The following ARHGAP15 variants were observed in gnomAD, a reference collection of about 807,000 sequenced individuals.
The protein encoded by ARHGAP15 is Rho GTPase activating protein 15, also known as rho GTPase-activating protein 15.
ARHGAP15 carries 51 observed loss-of-function variants against 63.7 expected under a neutral mutation model. The observed-to-expected ratio is 0.80, with a 90% CI of 0.64 to 1.01. The LOEUF is 1.01. ARHGAP15 is among the 50% of genes least tolerant of loss of function. The pLI, the probability that ARHGAP15 is intolerant of heterozygous loss-of-function variation, is 0.00. For synonymous variants in ARHGAP15, 191 were observed against 193.8 expected (o/e 0.99, Z 0.12); for missense variants, 560 against 564.6 (o/e 0.99, Z 0.08).
At chr2:143,641,957 A>C (rs1680621889) in intron 12 of ARHGAP15, among the ~76,000 whole-genome samples, 1 of 152,124 alleles carries the variant, frequency 6.6e-6, no homozygotes, top group Non-Finnish European at 1.5e-5. Flanking sequence ...GTATGTGTAC[A>C]AACTTAAGGA....
intron 6 of ARHGAP15, among the ~76,000 whole-genome samples, chr2:143,360,919 C>T (rs1686022482): frequency 6.6e-6 from 1 of 152,144 alleles, no homozygotes; most frequent in Non-Finnish European, 1.5e-5. Flanking sequence ...ATTTTTGATA[C>T]ATAAATTGGA....
intron 6 of ARHGAP15, among the ~76,000 whole-genome samples, chr2:143,390,123 G>T (rs534784596): frequency 5.4e-4 from 82 of 151,786 alleles, no homozygotes; most frequent in African/African-American, 1.8e-3. Flanking sequence ...ATATAAAAGA[G>T]ATATGAGACT....
At chr2:143,635,223 T>C (rs1474753426) in intron 12 of ARHGAP15, among the ~76,000 whole-genome samples, 9 of 111,524 alleles carry the variant, frequency 8.1e-5, no homozygotes, top group African/African-American at 2.6e-4. Context: ...TTTTTTTTTT[T>C]CAAATTTTTT....
intron 11 of ARHGAP15, among the ~76,000 whole-genome samples, chr2:143,610,482 G>A (rs374700973): frequency 2.6e-5 from 4 of 152,204 alleles, no homozygotes; most frequent in African/African-American, 7.2e-5. Context: ...CTGACCAATC[G>A]ACTTTCCATT....
At chr2:143,254,839 T>C (rs1301564446) in intron 6 of ARHGAP15, among the ~76,000 whole-genome samples, 1 of 147,804 alleles carries the variant, frequency 6.8e-6, no homozygotes, top group African/African-American at 2.6e-5. Flanking sequence ...TGCATTCCTT[T>C]AATAAAACAA....
chr2:143,575,306 T>C (rs945060381), intron 11 of ARHGAP15, among the ~76,000 whole-genome samples: 2 of 152,196 alleles, frequency 1.3e-5, no homozygotes, highest in African/African-American at 4.8e-5. Flanking sequence ...GAAAATGTCT[T>C]TGGGACCAAG....
intron 6 of ARHGAP15, among the ~76,000 whole-genome samples, chr2:143,272,919 A>G (rs575050285): frequency 3.3e-5 from 5 of 152,080 alleles, no homozygotes; most frequent in Admixed American, 6.5e-5. Context: ...ACTCTATATG[A>G]TGGAATTTTT....
At chr2:143,637,827 A>G (rs184900123) in intron 12 of ARHGAP15, among the ~76,000 whole-genome samples, 1 of 152,284 alleles carries the variant, frequency 6.6e-6, no homozygotes, top group Admixed American at 6.5e-5. Flanking sequence ...AACCCCATCA[A>G]AAAGTGGGCG....
chr2:143,404,519 G>A (rs1294707316), intron 6 of ARHGAP15, among the ~76,000 whole-genome samples: 2 of 151,726 alleles, frequency 1.3e-5, no homozygotes, highest in East Asian at 3.9e-4. Flanking sequence ...CTAAAGCATG[G>A]GTACTTCTAA....
chr2:143,385,169 C>T (rs761825475), intron 6 of ARHGAP15, among the ~76,000 whole-genome samples: 2 of 152,094 alleles, frequency 1.3e-5, no homozygotes, highest in Non-Finnish European at 2.9e-5. Flanking sequence ...TTTGTAGCCA[C>T]GCAAAGAGTA....
At chr2:143,397,322 G>A (rs1014495230) in intron 6 of ARHGAP15, among the ~76,000 whole-genome samples, 2 of 147,022 alleles carry the variant, frequency 1.4e-5, no homozygotes, top group African/African-American at 5.0e-5. Flanking sequence ...ATGTATGTGT[G>A]TGTGTGTGTG....
At chr2:143,543,468 A>G (rs944476817) in intron 10 of ARHGAP15, among the ~76,000 whole-genome samples, 6 of 152,204 alleles carry the variant, frequency 3.9e-5, no homozygotes, top group Admixed American at 1.3e-4. Flanking sequence ...TGTCAAATGT[A>G]TATTTTGAAA....
At chr2:143,675,799 G>A (rs1216088151) in intron 12 of ARHGAP15, among the ~76,000 whole-genome samples, 1 of 152,174 alleles carries the variant, frequency 6.6e-6, no homozygotes, top group Non-Finnish European at 1.5e-5. Flanking sequence ...TTTTGGAATG[G>A]TAAATGAGCA....
At chr2:143,718,818 G>GT (rs1345699319) in intron 13 of ARHGAP15, among the ~76,000 whole-genome samples, 2 of 152,172 alleles carry the variant, frequency 1.3e-5, no homozygotes, top group Admixed American at 1.3e-4. Flanking sequence ...TACTTACTGT[G>GT]TGGTAGATGC....
chr2:143,591,430 A>G (rs1202324968), intron 11 of ARHGAP15, among the ~76,000 whole-genome samples: 1 of 152,150 alleles, frequency 6.6e-6, no homozygotes, highest in Admixed American at 6.6e-5. Flanking sequence ...ATGCTGTGCA[A>G]AAGTGGCACA....
At chr2:143,736,788 A>G (rs775059184) in intron 13 of ARHGAP15, among the ~76,000 whole-genome samples, 2 of 152,242 alleles carry the variant, frequency 1.3e-5, no homozygotes, top group Non-Finnish European at 2.9e-5. Context: ...AGCTATTGTC[A>G]TATGAAATAG....
At chr2:143,166,153 A>T (rs1250723041) in intron 2 of ARHGAP15, among the ~76,000 whole-genome samples, 1 of 152,114 alleles carries the variant, frequency 6.6e-6, no homozygotes, top group East Asian at 1.9e-4. Context: ...GATTATTCTC[A>T]TCCACAACAC....
At chr2:143,705,378 G>A (rs1019312667) in intron 13 of ARHGAP15, among the ~76,000 whole-genome samples, 14 of 152,146 alleles carry the variant, frequency 9.2e-5, no homozygotes, top group African/African-American at 3.4e-4. Context: ...TAGAAAGAGA[G>A]ACCTAGAGTC....
chr2:143,379,421 C>G (rs2104936559), intron 6 of ARHGAP15, among the ~76,000 whole-genome samples: 1 of 151,284 alleles, frequency 6.6e-6, no homozygotes, highest in African/African-American at 2.4e-5. Flanking sequence ...TAAAATGACC[C>G]ACACTGACCA....
Sources: gnomAD v4.1 joint callset for allele counts (sites outside exome capture counted in the v4.1 genomes callset) on GRCh38, gnomAD v4.1.1 for gene constraint, MANE v1.5 for transcripts, NCBI Gene and HGNC (gene_info 2026-07-23, HGNC 2026-07-21) for gene names.